Variants in C5 observed in about 807,000 individuals in gnomAD.
C5 encodes C3 and PZP-like alpha-2-macroglobulin domain-containing protein 4.
In C5, 140 loss-of-function variants were observed where a neutral mutation model predicts 218.8. That is an observed-to-expected ratio of 0.64 (90% CI 0.56 to 0.74). The LOEUF (loss-of-function observed/expected upper bound fraction) is 0.74. Among genes scored for constraint, C5 ranks in the 30% least tolerant of loss-of-function variants. The probability of loss-of-function intolerance (pLI) is 0.00; values close to 1 mark genes in which losing one functional copy is unlikely to be tolerated. For synonymous variants in C5, 614 were observed against 682.3 expected (o/e 0.90, Z 1.56); for missense variants, 1,700 against 1,969.6 (o/e 0.86, Z 2.59).
At chr9:121,054,963 G>A (rs1463831342), upstream of C5, among the ~76,000 whole-genome samples, 1 of 151,712 alleles carries the variant, frequency 6.6e-6, no homozygotes, top group Non-Finnish European at 1.5e-5. Context: ...CAAGAACCTT[G>A]GACCCCACAA....
Position 120,997,656 on chromosome 9 carries a change from T to G in C5, c.2681A>C (p.His894Pro). ...VRQKVEGSSS[H>P]LVTFTVLPLE... is the part of the protein sequence containing the mutation. ...AGGAAGCACAGTGAATGTCACCAAG[T>G]GACTGGAGGAGCCCTCTACTTTCTG... Residue 894 changes from histidine to proline, a missense_variant, in exon 21 of 41, where the codon CAC becomes CCC. Transcript: ENST00000223642. 6.2e-7 allele frequency: 1 copy of G among 1,614,172 alleles called. No homozygotes were observed. Among genetic ancestry groups the G allele is most frequent in the Non-Finnish European group, 8.5e-7 (1 of 1,180,014 alleles).
the C5 span, among the ~76,000 whole-genome samples, chr9:121,063,151 GTA>G: frequency 6.7e-6 from 1 of 150,112 alleles, no homozygotes; most frequent in Non-Finnish European, 1.5e-5. Context: ...CTGTCTTTAT[GTA>G]TATGTTTGTG....
chr9:121,037,796 G>A, intron 4 of C5, 85 bp downstream of exon 4: 1 of 641,548 alleles, frequency 1.6e-6, no homozygotes, highest in Non-Finnish European at 2.8e-6. Context: ...GAATGATTTA[G>A]TGTAGTGTGA....
chr9:121,015,470 C>A (rs1264024348), intron 15 of C5, among the ~76,000 whole-genome samples: 1 of 152,064 alleles, frequency 6.6e-6, no homozygotes, highest in Admixed American at 6.6e-5. Flanking sequence ...AGTGTCATAT[C>A]TTTTGACTTA....
chr9:120,994,036 G>A (rs2047097753), intron 22 of C5, among the ~76,000 whole-genome samples: 1 of 152,074 alleles, frequency 6.6e-6, no homozygotes. Flanking sequence ...GGGAGAAAAG[G>A]GCTTATCAGG....
chr9:120,953,302 C>T (rs1436983524), intron 40 of C5, among the ~76,000 whole-genome samples: 2 of 152,220 alleles, frequency 1.3e-5, no homozygotes, highest in South Asian at 4.1e-4. Context: ...GTACCGGCCT[C>T]TCCTGGGGAG....
At chr9:120,996,134 T>A in intron 22 of C5, 106 bp downstream of exon 22, 1 of 933,150 alleles carries the variant, frequency 1.1e-6, no homozygotes, top group Non-Finnish European at 1.8e-6. Flanking sequence ...TGGATACTAC[T>A]GATTTTAGAC....
At chr9:121,066,833 C>T in the C5 span, among the ~76,000 whole-genome samples, 58 of 139,952 alleles carry the variant, frequency 4.1e-4, no homozygotes, top group East Asian at 1.3e-3. Context: ...CAGCCTTGGG[C>T]GACAGAACAA....
chr9:121,014,186 T>C (rs1427803902), intron 16 of C5, 116 bp from the exon 17 acceptor site: 4 of 825,738 alleles, frequency 4.8e-6, no homozygotes, highest in Non-Finnish European at 8.1e-6. Flanking sequence ...CTACCCACAA[T>C]AGTTATGGCT....
At chr9:120,969,644 CA>C (rs1172384913) in intron 32 of C5, among the ~76,000 whole-genome samples, 1 of 151,918 alleles carries the variant, frequency 6.6e-6, no homozygotes, top group African/African-American at 2.4e-5. Flanking sequence ...ATAAAAGGGT[CA>C]GGGGTACATT....
chr9:120,985,839 G>A (rs569652885), intron 25 of C5, among the ~76,000 whole-genome samples: 69 of 152,270 alleles, frequency 4.5e-4, no homozygotes, highest in Non-Finnish European at 8.2e-4. Flanking sequence ...GCTTACTTAA[G>A]AATTCCAGGA....
At chr9:121,055,561 T>A in the C5 span, among the ~76,000 whole-genome samples, 1 of 152,106 alleles carries the variant, frequency 6.6e-6, no homozygotes, top group African/African-American at 2.4e-5. Flanking sequence ...CGATAAAACA[T>A]CAAACAGATT....
chr9:121,011,347 T>C (rs550864013), intron 17 of C5, among the ~76,000 whole-genome samples: 11 of 152,250 alleles, frequency 7.2e-5, no homozygotes, highest in East Asian at 1.9e-4. Flanking sequence ...AAAGAAGACA[T>C]ACAAATGGCA....
intron 8 of C5, among the ~76,000 whole-genome samples, chr9:121,026,892 G>A (rs2047428663): frequency 6.6e-6 from 1 of 152,032 alleles, no homozygotes; most frequent in African/African-American, 2.4e-5. Context: ...TAAAGACCTG[G>A]AGGCAAGAGA....
intron 28 of C5, 116 bp from the exon 29 acceptor site, chr9:120,977,021 T>G (rs1162714486): frequency 3.5e-6 from 3 of 861,210 alleles, no homozygotes; most frequent in Non-Finnish European, 5.7e-6. Flanking sequence ...TTTTTCTTGT[T>G]AGAGGAACTT....
At chr9:121,054,149 A>G (rs920617814), upstream of C5, among the ~76,000 whole-genome samples, 4 of 152,194 alleles carry the variant, frequency 2.6e-5, no homozygotes, top group African/African-American at 7.2e-5. Context: ...TTTGGAGTTT[A>G]GGCACAACTG....
chr9:121,006,768 A>G lies in C5; in HGVS notation c.2422+136T>C, dbSNP rs1305587009. ...TGTGGGTATATCCAAGTCTTTTGGT[A>G]ATACATAAAAAAAAGAATATTTTTT... On this transcript the variant is annotated intron_variant, in intron 19 of 40. Coordinates refer to ENST00000223642, the MANE Select transcript of C5 (RefSeq NM_001735.3). 4.5e-6 allele frequency: 3 copies of G among 665,176 alleles called. No homozygotes were observed. The African/African-American group carries it at 5.4e-5, about 12-fold the overall frequency. 41.2% of individuals were successfully genotyped at this position (665,176 alleles called of 1,614,324 possible).
chr9:120,960,734 C>G (rs41313599), intron 37 of C5, among the ~76,000 whole-genome samples: 3,688 of 152,286 alleles, frequency 0.024, 140 homozygotes, highest in African/African-American at 0.084. Flanking sequence ...CAAGACAATT[C>G]TTCTTCCAAT....
intron 33 of C5, among the ~76,000 whole-genome samples, chr9:120,965,020 T>C (rs1366106747): frequency 6.6e-6 from 1 of 152,128 alleles, no homozygotes; most frequent in East Asian, 1.9e-4. Flanking sequence ...CAGCCTCACC[T>C]CAAGATGCTT....
Sources: gnomAD v4.1 joint callset for allele counts (sites outside exome capture counted in the v4.1 genomes callset) on GRCh38, gnomAD v4.1.1 for gene constraint, MANE v1.5 for transcripts, NCBI Gene and HGNC (gene_info 2026-07-23, HGNC 2026-07-21) for gene names.